TNRC6C: variants seen among roughly 807,000 people sequenced by gnomAD.
TNRC6C encodes trinucleotide repeat containing adaptor 6C.
Under a neutral mutation model 153.7 loss-of-function variants are expected in TNRC6C, and 20 were observed. The observed-to-expected ratio is 0.13, with a 90% CI of 0.09 to 0.19. The LOEUF (loss-of-function observed/expected upper bound fraction) is 0.19. TNRC6C is among the 10% of genes least tolerant of loss of function. The pLI, the probability that TNRC6C is intolerant of heterozygous loss-of-function variation, is 1.00. For synonymous variants in TNRC6C, 811 were observed against 841.4 expected (o/e 0.96, Z 0.63); for missense variants, 1,987 against 2,172.0 (o/e 0.91, Z 1.69).
chr17:78,106,940 G>C (rs774707331), exon 20 of TNRC6C: 2 of 149,742 alleles, frequency 1.3e-5, no homozygotes, highest in Non-Finnish European at 3.0e-5. Context: ...TGGTTTTATA[G>C]AGGATCATGA....
chr17:77,985,601 C>CAAAAAAAAAAAAAAAAAAAAAAA (rs1229331703), intron 1 of TNRC6C, among the ~76,000 whole-genome samples: 17 of 96,244 alleles, frequency 1.8e-4, no homozygotes, highest in African/African-American at 5.9e-4. Flanking sequence ...GACTCCGTCT[C>CAAAAAAAAAAAAAAAAAAAAAAA]AAAAAAAAAA....
rs182536785 is a variant in TNRC6C at position 78,029,256 on chromosome 17, G to A, written c.-545-2260G>A. ...CATACCTTGCTTGACAGAGAGATAC[G>A]TTCTGAAAAATGCACCGTTAGGCTG... On this transcript the variant is annotated intron_variant, in intron 1 of 19. Transcript: ENST00000301624. Among the ~76,000 whole-genome samples the A allele has an allele frequency of 1.3e-3, 200 of 152,230 alleles. 1 individual carries two copies. The highest frequency in any genetic ancestry group is 4.6e-3 in the African/African-American group (190 of 41,538).
At chr17:77,981,978 A>G (rs1005427017) in intron 1 of TNRC6C, among the ~76,000 whole-genome samples, 1 of 152,218 alleles carries the variant, frequency 6.6e-6, no homozygotes, top group African/African-American at 2.4e-5. Context: ...TGATGGTGTT[A>G]GGAGGTGGGG....
rs138158622 is a variant in TNRC6C, at chr17:77,988,279, T to C, written c.-37-15891T>C. 1.7e-3 allele frequency among the ~76,000 whole-genome samples: 255 copies of C among 152,134 alleles called. 1 individual carries two copies. The highest frequency in any genetic ancestry group is 5.7e-3 in the African/African-American group (235 of 41,474). ...CTGTGGTCCCAGCTACTCAGGAGGC[T>C]GAGGTGGGAGAGTCACTTGAGCCCA... On this transcript the variant is annotated intron_variant, in intron 1 of 22. Transcript: ENST00000636222.
intron 1 of TNRC6C, among the ~76,000 whole-genome samples, chr17:78,017,286 A>G (rs535859545): frequency 2.0e-3 from 306 of 152,102 alleles, no homozygotes; most frequent in African/African-American, 7.1e-3. Context: ...GGGTGATTGA[A>G]TAAGATAGAA....
chr17:78,046,986 G>A (rs1047042040), intron 2 of TNRC6C, among the ~76,000 whole-genome samples: 1 of 151,830 alleles, frequency 6.6e-6, no homozygotes, highest in East Asian at 1.9e-4. Flanking sequence ...CTGTGTATTC[G>A]AATGGCACCT....
chr17:78,028,593 A>G (rs2071992764), intron 1 of TNRC6C, among the ~76,000 whole-genome samples: 1 of 152,206 alleles, frequency 6.6e-6, no homozygotes, highest in Non-Finnish European at 1.5e-5. Flanking sequence ...TGGACAATGT[A>G]GCGTTCACAT....
At chr17:78,101,576 G>C (rs944681082) in intron 17 of TNRC6C, among the ~76,000 whole-genome samples, 1 of 152,072 alleles carries the variant, frequency 6.6e-6, no homozygotes, top group Non-Finnish European at 1.5e-5. Flanking sequence ...GTGGGAAATC[G>C]GGGGTCTCAC....
At chr17:78,032,801 CA>C (rs1404234517) in intron 2 of TNRC6C, among the ~76,000 whole-genome samples, 2 of 152,148 alleles carry the variant, frequency 1.3e-5, no homozygotes, top group Admixed American at 1.3e-4. Context: ...CAATGTTTTT[CA>C]AAACTGTGAC....
chr17:78,097,630 T>C (rs2073510951), intron 16 of TNRC6C, 115 bp from the exon 19 acceptor site: 1 of 664,338 alleles, frequency 1.5e-6, no homozygotes. Flanking sequence ...CAGGCTTCTA[T>C]TAAAAATGGC....
intron 2 of TNRC6C, among the ~76,000 whole-genome samples, chr17:78,042,247 T>C (rs2072311402): frequency 6.6e-6 from 1 of 152,212 alleles, no homozygotes; most frequent in Non-Finnish European, 1.5e-5. Context: ...TCATTTCTTT[T>C]TTCTTTTTAA....
chr17:78,046,631 A>C (rs1006085920), intron 2 of TNRC6C, among the ~76,000 whole-genome samples: 3 of 152,142 alleles, frequency 2.0e-5, no homozygotes, highest in African/African-American at 7.2e-5. Flanking sequence ...TGTCTTACGT[A>C]TTTCATGTCT....
intron 1 of TNRC6C, among the ~76,000 whole-genome samples, chr17:77,998,819 A>AT (rs2071368467): frequency 6.6e-6 from 1 of 152,196 alleles, no homozygotes. Flanking sequence ...GGTTCTTTGT[A>AT]TGAGGAGATA....
At chr17:78,023,110 G>C (rs1288822066) in intron 1 of TNRC6C, among the ~76,000 whole-genome samples, 2 of 152,054 alleles carry the variant, frequency 1.3e-5, no homozygotes, top group African/African-American at 4.8e-5. Flanking sequence ...GGGCAACACA[G>C]TGAGACTCCG....
In TNRC6C at chr17:78,031,513, T is replaced by G; in HGVS notation, c.-545-3T>G. ...GGGTTCTTTTGCCTTTCATTCATTT[T>G]AGTGCCAGAACCTACTAAGACCTGT... On this transcript the variant is annotated splice_region_variant and splice_polypyrimidine_tract_variant and intron_variant, in intron 1 of 19. Coordinates refer to ENST00000301624, the Ensembl canonical transcript of TNRC6C. 1 of 1,232,204 alleles carries G rather than the reference T, an allele frequency of 8.1e-7. No individual in the cohort carries two copies. Among genetic ancestry groups the G allele is most frequent in the Non-Finnish European group, 1.0e-6 (1 of 988,002 alleles). The allele number at this position is 1,232,204 out of a possible 1,614,324, so 76.3% of individuals were successfully genotyped here.
chr17:78,033,664 C>T (rs1338239762), intron 2 of TNRC6C, among the ~76,000 whole-genome samples: 2 of 148,558 alleles, frequency 1.3e-5, no homozygotes, highest in African/African-American at 5.0e-5. Context: ...AGTGAAACTC[C>T]GTTTCAAAAA....
In TNRC6C at chr17:78,079,474, C is replaced by A; in HGVS notation, c.3290C>A (p.Pro1097Gln). 2 of 1,613,918 alleles carry A rather than the reference C, an allele frequency of 1.2e-6. No individual in the cohort carries two copies. The highest frequency in any genetic ancestry group is 1.7e-6 in the Non-Finnish European group (2 of 1,179,882). Residue 1097 changes from proline (P) to glutamine (Q), a missense_variant, in exon 10 of 20, where the codon CCA becomes CAA. Transcript: ENST00000301624. The surrounding 1 kb of genome is among the most constrained non-coding windows in gnomAD (Gnocchi z 4.3). ...ACCATGCAGCAGCCGCCACAGCCAC[C>A]AGTGCAGCCTCTTAACTCTTCCCAG...
intron 17 of TNRC6C, among the ~76,000 whole-genome samples, chr17:78,102,155 G>A (rs1007170021): frequency 2.0e-5 from 3 of 152,336 alleles, no homozygotes; most frequent in Admixed American, 2.0e-4. Context: ...CAGAGGTGGA[G>A]AGCAGAGCTT....
chr17:78,020,797 T>A (rs1453065893), intron 1 of TNRC6C, among the ~76,000 whole-genome samples: 1 of 152,210 alleles, frequency 6.6e-6, no homozygotes, highest in Non-Finnish European at 1.5e-5. Flanking sequence ...ATCCAGTATA[T>A]GTTTTAATAC....
Sources: allele counts gnomAD v4.1 joint callset (sites outside exome capture counted in the v4.1 genomes callset), GRCh38; gene constraint gnomAD v4.1.1; non-coding constraint Gnocchi (gnomAD v3.1); transcripts MANE v1.5; gene names NCBI Gene and HGNC (gene_info 2026-07-23, HGNC 2026-07-21).